CELF2: variants seen among roughly 807,000 people sequenced by gnomAD.
CELF2 encodes the protein CUGBP Elav-like family member 2.
Under a neutral mutation model 62.6 loss-of-function variants are expected in CELF2, and 8 were observed. The ratio of observed to expected loss-of-function variants is 0.13; its 90% CI spans 0.07 to 0.23. The LOEUF is 0.23. Ranked by LOEUF, CELF2 falls within the 10% of genes least tolerant of loss-of-function variation. CELF2 has a pLI of 1.00. For synonymous variants in CELF2, 258 were observed against 250.0 expected (o/e 1.03, Z -0.30); for missense variants, 333 against 671.0 (o/e 0.50, Z 5.56).
intron 2 of CELF2, among the ~76,000 whole-genome samples, chr10:10,921,264 T>TTTTTTGTTTG (rs1483045289): frequency 1.4e-5 from 2 of 145,188 alleles, no homozygotes; most frequent in African/African-American, 5.2e-5. Flanking sequence ...CAGGTGTTTG[T>TTTTTTGTTTG]TTTTTGTTTG....
chr10:10,782,060 A>G, the CELF2 span, among the ~76,000 whole-genome samples: 6 of 152,374 alleles, frequency 3.9e-5, 1 homozygote, highest in East Asian at 1.2e-3. Context: ...CATAACTTAT[A>G]TGAAAATATT....
At chr10:10,634,594 G>A in the CELF2 span, among the ~76,000 whole-genome samples, 3 of 151,548 alleles carry the variant, frequency 2.0e-5, no homozygotes, top group African/African-American at 7.3e-5. Flanking sequence ...GGTAAGCTAG[G>A]TTATGCAATA....
the CELF2 span, among the ~76,000 whole-genome samples, chr10:10,739,707 A>C: frequency 1.3e-5 from 2 of 152,272 alleles, no homozygotes; most frequent in South Asian, 2.1e-4. Flanking sequence ...ATGTCTCCTT[A>C]GTTTCCCCCA....
At chr10:10,966,984 C>T (rs547136607) in intron 2 of CELF2, among the ~76,000 whole-genome samples, 1 of 152,156 alleles carries the variant, frequency 6.6e-6, no homozygotes, top group Admixed American at 6.5e-5. Context: ...CAATTCATAC[C>T]CTTGTTAAAA....
Position 10,997,452 on chromosome 10 carries a change from T to G in CELF2, c.89+77453T>G, listed in dbSNP as rs1297409379. On this transcript the variant is annotated intron_variant, in intron 2 of 13. Transcript: ENST00000636488. The surrounding 1 kb of genome is among the most constrained non-coding windows in gnomAD (Gnocchi z 5.3). ...CTCACCTTCCAGGAAGGAAGGCTGA[T>G]GCACTCCACTGTGGTCTTTATTAAG... Among the ~76,000 whole-genome samples the G allele has an allele frequency of 6.6e-6, 1 of 152,214 alleles. No homozygotes were observed. Among genetic ancestry groups the G allele is most frequent in the African/African-American group, 2.4e-5 (1 of 41,454 alleles).
chr10:11,272,333 G>A (rs902833126), intron 7 of CELF2, among the ~76,000 whole-genome samples: 2 of 152,252 alleles, frequency 1.3e-5, no homozygotes, highest in African/African-American at 4.8e-5. Context: ...AAAGAGAAAT[G>A]AGTCTAGCTT....
Position 11,117,256 on chromosome 10 carries a change from C to T in CELF2, c.75-48230C>T, listed in dbSNP as rs2056759782. Among the ~76,000 whole-genome samples, 1 of 152,208 alleles carries T rather than the reference C, an allele frequency of 6.6e-6. No homozygotes were observed. The highest frequency in any genetic ancestry group is 2.4e-5 in the African/African-American group (1 of 41,446). ...AAATGTGTGGACTTAGAAGAACTGG[C>T]TTTGAATTCCGACATTTACTGGCTG... is the stretch of plus-strand genomic sequence containing the variant. On this transcript the variant is annotated intron_variant, in intron 1 of 12. Transcript: ENST00000633077. The surrounding 1 kb of genome is among the most constrained non-coding windows in gnomAD (Gnocchi z 4.1).
Position 11,329,350 on chromosome 10 carries a change from TTTTTGCTTTTTTTTAA to T in CELF2, c.*298_*313del, listed in dbSNP as rs1457252204. On this transcript the variant is annotated 3_prime_UTR_variant, in exon 13 of 13. Transcript: ENST00000633077. This position sits in a 1 kb window ranked among gnomAD's most constrained non-coding sequence, Gnocchi z 5.5. ...TTACCTTTTTTTTTAATTTTTTTCATTTTTGCTTTTTTTTAAAGAGAAGCATATACACAAATAAATG... is the reference window on the plus strand; with the variant it reads ...TTACCTTTTTTTTTAATTTTTTTCATAGAGAAGCATATACACAAATAAATG... The T allele has an allele frequency of 5.4e-6, 1 of 186,886 alleles. No individual in the cohort carries two copies. Among genetic ancestry groups the T allele is most frequent in the Non-Finnish European group, 1.1e-5 (1 of 90,934 alleles). The allele number at this position is 186,886 out of a possible 1,614,324, so 11.6% of individuals were successfully genotyped here. A position where few individuals can be genotyped will look rare whatever the true frequency, so the allele number is the denominator to read the frequency against.
At chr10:10,830,478 G>A (rs1011331449) in intron 1 of CELF2, among the ~76,000 whole-genome samples, 1 of 152,078 alleles carries the variant, frequency 6.6e-6, no homozygotes, top group African/African-American at 2.4e-5. Flanking sequence ...CACCCATAAT[G>A]AAGCCAAGTT....
chr10:10,724,890 G>A, the CELF2 span, among the ~76,000 whole-genome samples: 1 of 152,164 alleles, frequency 6.6e-6, no homozygotes, highest in Non-Finnish European at 1.5e-5. Context: ...ATATTTACAA[G>A]TGATGGCAAA....
At chr10:10,475,876 C>T in the CELF2 span, among the ~76,000 whole-genome samples, 1 of 152,010 alleles carries the variant, frequency 6.6e-6, no homozygotes. Flanking sequence ...TTATTATTTT[C>T]TGTACTCCAC....
rs572228100 is a variant in CELF2, at chr10:11,043,704, G to A, written c.74+25541G>A. On this transcript the variant is annotated intron_variant, in intron 1 of 12. Coordinates refer to ENST00000633077, the MANE Select transcript of CELF2 (RefSeq NM_001326342.2). ...GGCCATCAACAACCTTGTGGGTTCC[G>A]CGTTCCACCTGCAGTCGCTCCTGCT... Among the ~76,000 whole-genome samples the A allele has an allele frequency of 8.6e-4, 131 of 152,162 alleles. 2 individuals carry two copies. The South Asian group carries it at 0.025, about 29-fold the overall frequency.
At chr10:10,999,667 A>G (rs1321731318) in intron 2 of CELF2, among the ~76,000 whole-genome samples, 4 of 152,200 alleles carry the variant, frequency 2.6e-5, no homozygotes, top group Non-Finnish European at 5.9e-5. Flanking sequence ...CATCTTTCCT[A>G]CACCATCTGG....
At chr10:11,066,293 C>G (rs1161425884) in intron 1 of CELF2, among the ~76,000 whole-genome samples, 1 of 150,318 alleles carries the variant, frequency 6.7e-6, no homozygotes, top group African/African-American at 2.4e-5. Context: ...TTTTTTCCTT[C>G]TCTGAAAATT....
rs1468778778 is a variant in CELF2 at position 11,156,203 on chromosome 10, C to T, written c.75-9283C>T. 6.6e-6 allele frequency among the ~76,000 whole-genome samples: 1 copy of T among 152,166 alleles called. No individual in the cohort carries two copies. Among genetic ancestry groups the T allele is most frequent in the Non-Finnish European group, 1.5e-5 (1 of 68,038 alleles). On this transcript the variant is annotated intron_variant, in intron 1 of 12. Coordinates refer to ENST00000633077, the MANE Select transcript of CELF2 (RefSeq NM_001326342.2). The surrounding 1 kb of genome is among the most constrained non-coding windows in gnomAD (Gnocchi z 4.3). The stretch of plus-strand genomic sequence containing the variant: ...GGCATTTGGAGAAAAATAGGCATGA[C>T]TCAGTAACTGACTAGTAATAGGTGT...
the CELF2 span, among the ~76,000 whole-genome samples, chr10:10,699,220 T>A: frequency 6.6e-6 from 1 of 152,170 alleles, no homozygotes; most frequent in Non-Finnish European, 1.5e-5. Context: ...CACATACATA[T>A]CAAATTTATG....
chr10:10,863,144 G>A (rs1026750798), intron 1 of CELF2, among the ~76,000 whole-genome samples: 5 of 152,184 alleles, frequency 3.3e-5, no homozygotes, highest in Admixed American at 6.5e-5. Flanking sequence ...GAGGAAGCAG[G>A]GATGAACAGG....
the CELF2 span, among the ~76,000 whole-genome samples, chr10:10,771,880 A>G: frequency 6.6e-6 from 1 of 152,232 alleles, no homozygotes; most frequent in Non-Finnish European, 1.5e-5. Flanking sequence ...TCCAGCTATC[A>G]GAGGCAACAA....
chr10:11,152,242 T>A (rs2063476998), intron 1 of CELF2, among the ~76,000 whole-genome samples: 1 of 152,080 alleles, frequency 6.6e-6, no homozygotes, highest in Non-Finnish European at 1.5e-5. Context: ...CTGGACCAAG[T>A]TTGGACAGAA....
Sources: gnomAD v4.1 joint callset for allele counts (sites outside exome capture counted in the v4.1 genomes callset) on GRCh38, gnomAD v4.1.1 for gene constraint, Gnocchi (gnomAD v3.1) non-coding constraint, MANE v1.5 for transcripts, NCBI Gene and HGNC (gene_info 2026-07-23, HGNC 2026-07-21) for gene names.